The following SPATA31C2 variants were observed in gnomAD, a reference collection of about 807,000 sequenced individuals.
SPATA31C2 encodes spermatogenesis-associated protein 31C2.
SPATA31C2 carries 5 observed loss-of-function variants against 11.4 expected under a neutral mutation model. That is an observed-to-expected ratio of 0.44 (90% CI 0.23 to 0.92). The LOEUF (loss-of-function observed/expected upper bound fraction) is 0.92. Ranked by LOEUF, SPATA31C2 falls within the 40% of genes least tolerant of loss-of-function variation. The pLI is 0.24. For missense variants in SPATA31C2, 1,353 were observed against 1,368.6 expected, an observed-to-expected ratio of 0.99 and a Z score of 0.18; for synonymous variants, 515 against 538.7, an observed-to-expected ratio of 0.96 and a Z score of 0.61.
chr9:88,131,409 G>C lies in SPATA31C2; in HGVS notation c.1628C>G (p.Thr543Ser), dbSNP rs1374346632. The C allele has an allele frequency of 1.2e-6, 2 of 1,611,822 alleles. No individual in the cohort carries two copies. Among genetic ancestry groups the C allele is most frequent in the Non-Finnish European group, 1.7e-6 (2 of 1,179,868 alleles). The change falls in exon 4 of 4, where the codon ACC becomes AGC. Residue 543 changes from threonine to serine, a missense_variant. By Grantham distance (58) the Thr-to-Ser change is moderately conservative. This residue lies in a region of SPATA31C2 where 1,075 missense variants were observed against 992.8 expected (regional missense o/e 1.08). Coordinates refer to ENST00000324915, the MANE Select transcript of SPATA31C2 (RefSeq NM_001350978.3). ...ESFPGKVLGA[T>S]SEESERNLRK... Reference sequence around the variant, plus strand: ...CAGGTTCCTTTCCGACTCCTCAGAGGTCGCCCCCAGAACCTTCCCTGGGAA... The same window carrying C: ...CAGGTTCCTTTCCGACTCCTCAGAGCTCGCCCCCAGAACCTTCCCTGGGAA...
At chr9:88,133,793 C>T (rs1052818188) in intron 1 of SPATA31C2, 124 bp from the exon 2 acceptor site, 29 of 1,343,670 alleles carry the variant, frequency 2.2e-5, no homozygotes, top group Non-Finnish European at 3.0e-5. Context: ...GCTCTGTGTG[C>T]TTCCTCCCCT....
rs189874100 is a variant in SPATA31C2 at position 88,132,206 on chromosome 9, G to A, written c.831C>T (p.Gly277=). Residue 277 remains glycine, a synonymous_variant, in exon 4 of 4, where the codon GGC becomes GGT. Transcript: ENST00000324915. ...AASVPGISGL[G]GSNSQVSALS... The stretch of plus-strand genomic sequence containing the variant: ...GGGCAGAAACTTGACTGTTTGAGCC[G>A]CCAAGGCCTGAGATGCCTGGGACAG... The A allele has an allele frequency of 5.5e-5, 89 of 1,610,634 alleles. No homozygotes were observed. Among genetic ancestry groups the A allele is most frequent in the Middle Eastern group, 3.3e-4 (2 of 6,042 alleles).
In SPATA31C2 at chr9:88,134,717, AAAAG is replaced by A. The variant is rs1450929551; in HGVS notation, c.190-1052_190-1049del. On this transcript the variant is annotated intron_variant, in intron 1 of 3. Coordinates refer to ENST00000324915, the MANE Select transcript of SPATA31C2 (RefSeq NM_001350978.3). Reference sequence around the variant, plus strand: ...ATTTGGAAAGGTGGAACTAATAATAAAAAGAAAGAAGAGAATCAAGCTCTGTGGG... The same window carrying A: ...ATTTGGAAAGGTGGAACTAATAATAAAAAGAAGAGAATCAAGCTCTGTGGG... 3.9e-5 allele frequency: 56 copies of A among 1,423,166 alleles called. No homozygotes were observed. The Middle Eastern group carries it at 7.8e-4, about 20-fold the overall frequency. 88.2% of individuals were successfully genotyped at this position (1,423,166 alleles called of 1,614,324 possible). A position where few individuals can be genotyped will look rare whatever the true frequency, so the allele number is the denominator to read the frequency against.
In SPATA31C2 at chr9:88,133,623, C is replaced by G. The variant is rs752786377; in HGVS notation, c.236G>C (p.Arg79Thr). 1.9e-6 allele frequency: 3 copies of G among 1,582,908 alleles called. No individual in the cohort carries two copies. The highest frequency in any genetic ancestry group is 4.7e-5 in the East Asian group (2 of 42,678). Residue 79 changes from arginine to threonine, a missense_variant, in exon 2 of 4, where the codon AGA becomes ACA. Physicochemically the swap from Arg to Thr is moderately conservative, Grantham distance 71. Around this residue, in one of 6 missense-constraint regions of SPATA31C2, gnomAD observed 67 missense variants for 41.4 expected, o/e 1.62. Transcript: ENST00000324915. ...QRPAGRRGRP[R>T]GRMKNHSLRA... ...CAGACTGTGGTTTTTCATCCTGCCT[C>G]TGGGCCTCCCCCTCCGCCCTGCTGG...
Position 88,137,301 on chromosome 9 carries a change from C to T in SPATA31C2, c.189+957G>A, listed in dbSNP as rs1318180126. On this transcript the variant is annotated intron_variant, in intron 1 of 3. Transcript: ENST00000324915. ...TTAGATACCATAGACAAAACAATAA[C>T]CTCAATCTAACCTCATGTCTTTATT... is the stretch of plus-strand genomic sequence containing the variant. Among the ~76,000 whole-genome samples, 6 of 147,366 alleles carry T rather than the reference C, an allele frequency of 4.1e-5. 1 individual carries two copies. In the East Asian group the frequency reaches 1.2e-3, roughly 30 times the overall value.
Position 88,132,525 on chromosome 9 carries a change from A to G in SPATA31C2, c.512T>C (p.Leu171Pro), listed in dbSNP as rs1326384880. The change falls in exon 4 of 4, where the codon CTG becomes CCG. Residue 171 changes from leucine to proline, a missense_variant. Leu to Pro is a moderately conservative substitution (Grantham distance 98). This residue lies in a region of SPATA31C2 where 1,075 missense variants were observed against 992.8 expected (regional missense o/e 1.08). Transcript: ENST00000324915. ...TGGGCCTGGTGGTGGGGTGGAGGCC[A>G]GATCCTGAGGATGCTTGGTTCGAGG... ...PDPRTKHPQDLASTPPPGPMT... is the reference protein window; with the variant it reads ...PDPRTKHPQDPASTPPPGPMT... 4 of 1,610,866 alleles carry G rather than the reference A, an allele frequency of 2.5e-6. No homozygotes were observed. The highest frequency in any genetic ancestry group is 2.5e-6 in the Non-Finnish European group (3 of 1,177,890).
chr9:88,130,852 C>G lies in SPATA31C2; in HGVS notation c.2185G>C (p.Glu729Gln), dbSNP rs769903247. Residue 729 changes from glutamate to glutamine, a missense_variant, in exon 4 of 4, where the codon GAG becomes CAG. Around this residue, in one of 6 missense-constraint regions of SPATA31C2, gnomAD observed 1,075 missense variants for 992.8 expected, o/e 1.08. Coordinates refer to ENST00000324915, the MANE Select transcript of SPATA31C2 (RefSeq NM_001350978.3). Reference sequence around the variant, plus strand: ...GCAGGTGAGGAGGCCTGAAGCCTCTCTGGCATGTGAACAGATGGTTTGGTC... The same window carrying G: ...GCAGGTGAGGAGGCCTGAAGCCTCTGTGGCATGTGAACAGATGGTTTGGTC... ...VLTKPSVHMP[E>Q]RLQASSPACK... is the part of the protein sequence containing the mutation. 24 of 1,613,622 alleles carry G rather than the reference C, an allele frequency of 1.5e-5. No homozygotes were observed. The South Asian group carries it at 2.4e-4, about 16-fold the overall frequency.
chr9:88,133,147 C>G, intron 2 of SPATA31C2, 121 bp from the exon 3 acceptor site: 1 of 786,122 alleles, frequency 1.3e-6, no homozygotes. Flanking sequence ...CCATCTGTGT[C>G]CAAAGCCACA....
In SPATA31C2 at chr9:88,130,470, A is replaced by G. The variant is rs955689490; in HGVS notation, c.2567T>C (p.Val856Ala). Residue 856 changes from valine (V) to alanine (A), a missense_variant, in exon 4 of 4, where the codon GTT becomes GCT. Val to Ala is a moderately conservative substitution (Grantham distance 64, BLOSUM62 0). Coordinates refer to ENST00000324915, the MANE Select transcript of SPATA31C2 (RefSeq NM_001350978.3). ...PRKLCLMEEA[V>A]SEFEPGKATK... is the part of the protein sequence containing the mutation. Reference sequence around the variant, plus strand: ...GGCCTTTCCAGGCTCAAATTCACTAACAGCCTCCTCCATGAGACACAGCTT... The same window carrying G: ...GGCCTTTCCAGGCTCAAATTCACTAGCAGCCTCCTCCATGAGACACAGCTT... 6.2e-7 allele frequency: 1 copy of G among 1,613,236 alleles called. No homozygotes were observed. Among genetic ancestry groups the G allele is most frequent in the African/African-American group, 1.3e-5 (1 of 74,904 alleles).
intron 1 of SPATA31C2, 26 bp from the exon 2 acceptor site, chr9:88,133,695 C>T (rs1414259276): frequency 6.4e-7 from 1 of 1,558,270 alleles, no homozygotes; most frequent in Non-Finnish European, 8.7e-7. Flanking sequence ...TGGCGAGGAG[C>T]TAGGACCGGC....
At position 88,132,685 on chromosome 9, in the gene SPATA31C2, C is replaced by T. The variant is rs758044007; in HGVS notation, c.352G>A (p.Gly118Ser). Residue 118 changes from glycine (G) to serine (S), a missense_variant, in exon 4 of 4, where the codon GGT becomes AGT. By Grantham distance (56) the Gly-to-Ser change is moderately conservative. Transcript: ENST00000324915. ...QSLLGPHLEK[G>S]DFGQLSGPDP... ...GGACCAGAGAGCTGACCAAAGTCAC[C>T]TTTTTCAAGGTGTGGCCCCAGGAGG... 10 of 1,606,200 alleles carry T rather than the reference C, an allele frequency of 6.2e-6. No individual in the cohort carries two copies. The East Asian group carries it at 6.7e-5, about 11-fold the overall frequency.
At position 88,134,262 on chromosome 9, in the gene SPATA31C2, G is replaced by A. The variant is rs1413246483; in HGVS notation, c.190-593C>T. On this transcript the variant is annotated intron_variant, in intron 1 of 3. Coordinates refer to ENST00000324915, the MANE Select transcript of SPATA31C2 (RefSeq NM_001350978.3). ...TCCAGGAACACCCAGGCTCAGGCCC[G>A]CAGGCACCACTGAGCTGTCAGGTAG... 4.9e-5 allele frequency among the ~76,000 whole-genome samples: 7 copies of A among 142,510 alleles called. No homozygotes were observed. The East Asian group carries it at 6.8e-4, about 14-fold the overall frequency. The allele number at this position is 142,510 out of a possible 152,430, so 93.5% of individuals were successfully genotyped here. A position where few individuals can be genotyped will look rare whatever the true frequency, so the allele number is the denominator to read the frequency against.
rs1463127140 is a variant in SPATA31C2, at chr9:88,132,345, G to A, written c.692C>T (p.Thr231Ile). 2 of 1,611,092 alleles carry A rather than the reference G, an allele frequency of 1.2e-6. No individual in the cohort carries two copies. The highest frequency in any genetic ancestry group is 2.2e-5 in the East Asian group (1 of 44,716). ...AGTGGAGTCCCGCAGGGGAGGAGGA[G>A]TGAAGCCTTTCGGAGGAGGCGGAGA... ...ACSPPPPKGF[T>I]PPPLRDSTLL... Residue 231 changes from threonine to isoleucine, a missense_variant, in exon 4 of 4, where the codon ACT becomes ATT. Transcript: ENST00000324915.
intron 1 of SPATA31C2, 138 bp from the exon 2 acceptor site, chr9:88,133,807 A>G (rs1209779729): frequency 3.8e-6 from 5 of 1,307,228 alleles, no homozygotes; most frequent in South Asian, 3.7e-5. Context: ...CTCCCCTCCC[A>G]CTCATGTTTA....
rs752156046 is a variant in SPATA31C2 at position 88,130,298 on chromosome 9, C to G, written c.2739G>C (p.Gln913His). The change falls in exon 4 of 4, where the codon CAG (glutamine) becomes CAC (histidine). Residue 913 changes from glutamine to histidine, a missense_variant. Physicochemically the swap from Gln to His is conservative, Grantham distance 24. Coordinates refer to ENST00000324915, the MANE Select transcript of SPATA31C2 (RefSeq NM_001350978.3). The stretch of plus-strand genomic sequence containing the variant: ...TGAGGTCACATAGCTCCTGGGAAGC[C>G]TGCATGTTCCCAGTAGGCATGCTCT... ...HLQSMPTGNM[Q>H]ASQELCDLMS... 1 of 1,609,028 alleles carries G rather than the reference C, an allele frequency of 6.2e-7. No individual in the cohort carries two copies. The highest frequency in any genetic ancestry group is 1.3e-5 in the African/African-American group (1 of 74,688).
chr9:88,137,315 C>G (rs994970447), intron 1 of SPATA31C2, among the ~76,000 whole-genome samples: 2 of 143,370 alleles, frequency 1.4e-5, no homozygotes, highest in Non-Finnish European at 3.0e-5. Context: ...AATCTAACCT[C>G]ATGTCTTTAT....
chr9:88,136,690 T>G (rs1433544346), intron 1 of SPATA31C2, among the ~76,000 whole-genome samples: 1 of 145,408 alleles, frequency 6.9e-6, no homozygotes, highest in Non-Finnish European at 1.5e-5. Context: ...TTTTTTTTTT[T>G]GAGATGGAGT....
At position 88,130,900 on chromosome 9, in the gene SPATA31C2, C is replaced by G. The variant is rs753583608; in HGVS notation, c.2137G>C (p.Ala713Pro). Residue 713 changes from alanine (A) to proline (P), a missense_variant, in exon 4 of 4, where the codon GCA (alanine) becomes CCA (proline). By Grantham distance (27) the Ala-to-Pro change is conservative. This residue lies in a region of SPATA31C2 where 1,075 missense variants were observed against 992.8 expected (regional missense o/e 1.08). Coordinates refer to ENST00000324915, the MANE Select transcript of SPATA31C2 (RefSeq NM_001350978.3). ...GTCAGCACCTGCTTTCTCAGACTTGCCATTGGTGGCTCTCCAAGGAACGTG... is the reference window on the plus strand; with the variant it reads ...GTCAGCACCTGCTTTCTCAGACTTGGCATTGGTGGCTCTCCAAGGAACGTG... ...VATFLGEPPM[A>P]SLRKQVLTKP... 1.2e-6 allele frequency: 2 copies of G among 1,613,818 alleles called. No individual in the cohort carries two copies. The highest frequency in any genetic ancestry group is 1.3e-5 in the African/African-American group (1 of 75,050).
Position 88,129,364 on chromosome 9 carries a change from GA to G in SPATA31C2, c.*267del, listed in dbSNP as rs1825544066. The G allele has an allele frequency of 1.4e-6, 1 of 735,734 alleles. No individual in the cohort carries two copies. Among genetic ancestry groups the G allele is most frequent in the Admixed American group, 3.3e-5 (1 of 29,932 alleles). 45.6% of individuals were successfully genotyped at this position (735,734 alleles called of 1,614,324 possible). A position where few individuals can be genotyped will look rare whatever the true frequency, so the allele number is the denominator to read the frequency against. On this transcript the variant is annotated 3_prime_UTR_variant, in exon 4 of 4. Coordinates refer to ENST00000324915, the MANE Select transcript of SPATA31C2 (RefSeq NM_001350978.3). The stretch of plus-strand genomic sequence containing the variant: ...ATGTTCTGCGTGTACTAACATGAGA[GA>G]AAATACTTTTCCTCTACATAGAGTG...
Sources: allele counts gnomAD v4.1 joint callset (sites outside exome capture counted in the v4.1 genomes callset), GRCh38; gene constraint gnomAD v4.1.1; regional missense constraint gnomAD v4.1.1; transcripts MANE v1.5; gene names NCBI Gene and HGNC (gene_info 2026-07-23, HGNC 2026-07-21).